Variants in DENND1A observed in about 807,000 individuals in gnomAD.
DENND1A encodes the protein DENN domain containing 1A.
DENND1A carries 51 observed loss-of-function variants against 113.7 expected under a neutral mutation model. The observed-to-expected ratio is 0.45, with a 90% CI of 0.36 to 0.57. The LOEUF (loss-of-function observed/expected upper bound fraction) is 0.57, where lower values mean the gene tolerates loss of function less well. Ranked by LOEUF, DENND1A falls within the 20% of genes least tolerant of loss-of-function variation. The probability of loss-of-function intolerance (pLI) is 0.00; values close to 1 mark genes in which losing one functional copy is unlikely to be tolerated. For missense variants in DENND1A, 1,258 were observed against 1,395.9 expected (o/e 0.90, Z 1.57); for synonymous variants, 565 against 570.8 (o/e 0.99, Z 0.14).
chr9:123,840,138 C>T (rs1590313502), intron 2 of DENND1A, among the ~76,000 whole-genome samples: 2 of 146,154 alleles, frequency 1.4e-5, no homozygotes, highest in Admixed American at 1.4e-4. Flanking sequence ...GGAGTAAATA[C>T]ATCCACCACT....
intron 2 of DENND1A, among the ~76,000 whole-genome samples, chr9:123,863,950 C>A (rs1590433346): frequency 6.8e-6 from 1 of 147,248 alleles, no homozygotes. Context: ...GTTTCCATGT[C>A]ATTGAAAATA....
chr9:123,493,411 G>A (rs1202453532), intron 13 of DENND1A, among the ~76,000 whole-genome samples: 1 of 152,212 alleles, frequency 6.6e-6, no homozygotes, highest in East Asian at 1.9e-4. Flanking sequence ...CTGAGAGGGT[G>A]AAAGAGGATG....
chr9:123,506,166 G>A (rs775022795), intron 13 of DENND1A, among the ~76,000 whole-genome samples: 26 of 152,074 alleles, frequency 1.7e-4, no homozygotes, highest in Non-Finnish European at 3.2e-4. Context: ...ACTTTTCTGT[G>A]CTTTAGTTTT....
chr9:123,595,797 G>A (rs537890450), intron 11 of DENND1A, among the ~76,000 whole-genome samples: 3 of 152,066 alleles, frequency 2.0e-5, no homozygotes, highest in Non-Finnish European at 2.9e-5. Flanking sequence ...GCAGACGCTC[G>A]GTCAGTGCCA....
intron 1 of DENND1A, 88 bp from the exon 2 acceptor site, chr9:123,879,109 T>G: frequency 1.5e-6 from 2 of 1,306,426 alleles, no homozygotes; most frequent in Non-Finnish European, 2.2e-6. Flanking sequence ...CAGATCTTCC[T>G]TGAAATCATT....
At chr9:123,737,193 T>C (rs535979255) in intron 5 of DENND1A, among the ~76,000 whole-genome samples, 23 of 152,264 alleles carry the variant, frequency 1.5e-4, no homozygotes, top group Non-Finnish European at 2.5e-4. Context: ...GTTTTGGTTG[T>C]TGTTGTTGTA....
At chr9:123,686,303 A>C (rs2064807187) in intron 5 of DENND1A, among the ~76,000 whole-genome samples, 1 of 152,246 alleles carries the variant, frequency 6.6e-6, no homozygotes, top group South Asian at 2.1e-4. Flanking sequence ...CACAGATCAG[A>C]CACAAAACCA....
intron 5 of DENND1A, among the ~76,000 whole-genome samples, chr9:123,726,435 TTAG>T (rs1279330484): frequency 1.3e-5 from 2 of 152,202 alleles, no homozygotes; most frequent in Admixed American, 1.3e-4. Context: ...CGAACATACT[TTAG>T]CCATTCCAAA....
At chr9:123,501,571 A>G (rs2052487275) in intron 13 of DENND1A, among the ~76,000 whole-genome samples, 1 of 152,240 alleles carries the variant, frequency 6.6e-6, no homozygotes, top group Non-Finnish European at 1.5e-5. Flanking sequence ...ACAATTTTAC[A>G]TTCCCATCAA....
At chr9:123,844,122 G>T (rs1028381140) in intron 2 of DENND1A, among the ~76,000 whole-genome samples, 1 of 152,022 alleles carries the variant, frequency 6.6e-6, no homozygotes, top group Non-Finnish European at 1.5e-5. Context: ...TCATAATTAT[G>T]CCAAAAGACT....
At chr9:123,707,035 G>A (rs2066262717) in intron 5 of DENND1A, among the ~76,000 whole-genome samples, 1 of 152,168 alleles carries the variant, frequency 6.6e-6, no homozygotes, top group South Asian at 2.1e-4. Flanking sequence ...TCTGGGAGTT[G>A]TCAGAAGGTG....
intron 1 of DENND1A, among the ~76,000 whole-genome samples, chr9:123,923,250 TAAGAA>T (rs1157475843): frequency 6.6e-6 from 1 of 152,214 alleles, no homozygotes; most frequent in African/African-American, 2.4e-5. Flanking sequence ...CTACAATGGC[TAAGAA>T]AAGAGTGATG....
chr9:123,819,699 G>A (rs536366684), intron 2 of DENND1A, among the ~76,000 whole-genome samples: 1 of 151,878 alleles, frequency 6.6e-6, no homozygotes, highest in Non-Finnish European at 1.5e-5. Context: ...CACCATGACT[G>A]GCTAAGTTTT....
chr9:123,856,076 A>G (rs1564396925), intron 2 of DENND1A, among the ~76,000 whole-genome samples: 4 of 152,214 alleles, frequency 2.6e-5, no homozygotes, highest in Admixed American at 2.6e-4. Flanking sequence ...GTAATCCAAG[A>G]AAGAATAAGG....
At chr9:123,501,074 C>A (rs966534720) in intron 13 of DENND1A, among the ~76,000 whole-genome samples, 1 of 152,182 alleles carries the variant, frequency 6.6e-6, no homozygotes, top group East Asian at 1.9e-4. Flanking sequence ...AACTGAAATT[C>A]TGTAGGCCTG....
intron 5 of DENND1A, among the ~76,000 whole-genome samples, chr9:123,725,002 A>T (rs1330645589): frequency 6.6e-6 from 1 of 152,254 alleles, no homozygotes; most frequent in Non-Finnish European, 1.5e-5. Flanking sequence ...GAAAATTCTT[A>T]GCAAGAGAAA....
chr9:123,671,161 G>A, intron 7 of DENND1A, 130 bp downstream of exon 7: 1 of 1,001,616 alleles, frequency 1.0e-6, no homozygotes. Flanking sequence ...GAACTCAGAG[G>A]TCTCAGAGTA....
intron 2 of DENND1A, among the ~76,000 whole-genome samples, chr9:123,805,368 C>T (rs774301550): frequency 3.3e-5 from 5 of 151,734 alleles, no homozygotes; most frequent in African/African-American, 7.3e-5. Flanking sequence ...GAGGATGGGC[C>T]CCAAGTCTAA....
At chr9:123,698,510 C>T (rs925103844) in intron 5 of DENND1A, among the ~76,000 whole-genome samples, 1 of 152,304 alleles carries the variant, frequency 6.6e-6, no homozygotes. Flanking sequence ...ACTTAATGCT[C>T]TTCTCTCAGA....
Sources: gnomAD v4.1 joint callset for allele counts (sites outside exome capture counted in the v4.1 genomes callset) on GRCh38, gnomAD v4.1.1 for gene constraint, MANE v1.5 for transcripts, NCBI Gene and HGNC (gene_info 2026-07-23, HGNC 2026-07-21) for gene names.